PIP5K1B: variants seen among roughly 807,000 people sequenced by gnomAD.
The protein encoded by PIP5K1B is phosphatidylinositol-4-phosphate 5-kinase type 1 beta.
A neutral mutation model predicts 67.0 loss-of-function variants in PIP5K1B; 42 were observed. The observed-to-expected ratio is 0.63, with a 90% CI of 0.49 to 0.81. PIP5K1B has a LOEUF of 0.81. PIP5K1B is among the 30% of genes least tolerant of loss of function. The probability of loss-of-function intolerance (pLI) is 0.00; values close to 1 mark genes in which losing one functional copy is unlikely to be tolerated. For missense variants in PIP5K1B, 459 were observed against 646.3 expected, an observed-to-expected ratio of 0.71 and a Z score of 3.14; for synonymous variants, 214 against 231.4, an observed-to-expected ratio of 0.92 and a Z score of 0.68.
At chr9:68,753,810 C>T (rs1829769582) in intron 2 of PIP5K1B, among the ~76,000 whole-genome samples, 1 of 151,222 alleles carries the variant, frequency 6.6e-6, no homozygotes, top group Admixed American at 6.6e-5. Flanking sequence ...AGGCGTGAGC[C>T]ACCGCACACA....
intron 2 of PIP5K1B, among the ~76,000 whole-genome samples, chr9:68,798,849 T>C (rs937623756): frequency 3.9e-5 from 6 of 152,138 alleles, no homozygotes; most frequent in African/African-American, 1.4e-4. Flanking sequence ...GCAAGAGATA[T>C]TGGTGACTGG....
intron 5 of PIP5K1B, among the ~76,000 whole-genome samples, chr9:68,867,656 C>G (rs1426633397): frequency 6.6e-6 from 1 of 152,188 alleles, no homozygotes; most frequent in Non-Finnish European, 1.5e-5. Flanking sequence ...GGTGTATATA[C>G]ACATGTGTAA....
At chr9:68,821,218 T>C (rs1833715126) in intron 3 of PIP5K1B, among the ~76,000 whole-genome samples, 1 of 152,316 alleles carries the variant, frequency 6.6e-6, no homozygotes, top group East Asian at 1.9e-4. Context: ...ATGGCACCAC[T>C]GTACTCCAGC....
intron 12 of PIP5K1B, among the ~76,000 whole-genome samples, chr9:68,932,018 G>A (rs2132591101): frequency 6.6e-6 from 1 of 152,278 alleles, no homozygotes; most frequent in South Asian, 2.1e-4. Context: ...GGTGCTATGT[G>A]GTCTTGGCAG....
intron 2 of PIP5K1B, among the ~76,000 whole-genome samples, chr9:68,755,106 C>A (rs989043304): frequency 2.0e-5 from 3 of 152,188 alleles, no homozygotes; most frequent in African/African-American, 4.8e-5. Flanking sequence ...GAAAGTAGAT[C>A]AAACATTTAT....
chr9:68,816,570 G>C (rs2132047685), intron 2 of PIP5K1B, among the ~76,000 whole-genome samples: 1 of 152,332 alleles, frequency 6.6e-6, no homozygotes, highest in Non-Finnish European at 1.5e-5. Flanking sequence ...AAGCAATATG[G>C]CATTAGCTTA....
chr9:68,919,435 T>G (rs1425815117), intron 9 of PIP5K1B, 44 bp from the exon 10 acceptor site: 1 of 950,560 alleles, frequency 1.1e-6, no homozygotes, highest in East Asian at 2.5e-5. Context: ...CTTCCTATTC[T>G]TATAATATGT....
chr9:68,783,609 A>T (rs1027417323), intron 2 of PIP5K1B: 1 of 166,964 alleles, frequency 6.0e-6, no homozygotes, highest in African/African-American at 2.4e-5. Flanking sequence ...CCAACATGTC[A>T]TTGACACCTC....
intron 6 of PIP5K1B, among the ~76,000 whole-genome samples, chr9:68,883,603 C>G (rs545881697): frequency 6.6e-6 from 1 of 152,248 alleles, no homozygotes; most frequent in African/African-American, 2.4e-5. Flanking sequence ...CCTCCTCTCC[C>G]TTTTTCTTTC....
chr9:68,735,214 A>G (rs1046339927), intron 1 of PIP5K1B, among the ~76,000 whole-genome samples: 7 of 149,332 alleles, frequency 4.7e-5, no homozygotes, highest in Non-Finnish European at 8.9e-5. Context: ...AGTTTCCCCT[A>G]TCTTTATCTT....
At chr9:68,864,285 G>A (rs962684880) in intron 5 of PIP5K1B, among the ~76,000 whole-genome samples, 2 of 151,744 alleles carry the variant, frequency 1.3e-5, no homozygotes, top group African/African-American at 2.4e-5. Context: ...AGTAATGTCC[G>A]CCAAGGGTTT....
chr9:68,843,310 T>C (rs1049572392), intron 4 of PIP5K1B: 1 of 152,154 alleles, frequency 6.6e-6, no homozygotes, highest in South Asian at 2.1e-4. Context: ...AGGGAGGAAA[T>C]GACTAGGAGG....
chr9:68,767,388 G>A (rs1830479397), intron 2 of PIP5K1B, among the ~76,000 whole-genome samples: 1 of 152,106 alleles, frequency 6.6e-6, no homozygotes, highest in Non-Finnish European at 1.5e-5. Context: ...AAGGTCAGGA[G>A]TTCGAGACCA....
In PIP5K1B at chr9:68,934,942, G is replaced by A; in HGVS notation, c.1254G>A (p.Lys418=). The stretch of plus-strand genomic sequence containing the variant: ...GGTGCAATTCAATCGCCGCCCTAAA[G>A]GCCACTTCACAGGAGATTGTGTCCT... ...KKRCNSIAAL[K]ATSQEIVSSI... The change falls in exon 13 of 16, where the codon AAG becomes AAA. Residue 418 remains lysine, a synonymous_variant. Transcript: ENST00000265382. 3.7e-6 allele frequency: 6 copies of A among 1,613,376 alleles called. No homozygotes were observed. The highest frequency in any genetic ancestry group is 5.1e-6 in the Non-Finnish European group (6 of 1,179,576).
At chr9:68,765,917 C>G (rs1830405620) in intron 2 of PIP5K1B, among the ~76,000 whole-genome samples, 1 of 152,118 alleles carries the variant, frequency 6.6e-6, no homozygotes, top group Non-Finnish European at 1.5e-5. Context: ...AGCAGTTCCA[C>G]TGCTGGAAAT....
chr9:68,799,304 G>C (rs897740259), intron 2 of PIP5K1B, among the ~76,000 whole-genome samples: 2 of 152,118 alleles, frequency 1.3e-5, no homozygotes, highest in African/African-American at 4.8e-5. Flanking sequence ...TAATTTTAGG[G>C]TACACAACAG....
chr9:68,955,074 TA>T (rs1436785113), intron 14 of PIP5K1B, among the ~76,000 whole-genome samples: 2 of 152,186 alleles, frequency 1.3e-5, no homozygotes, highest in Non-Finnish European at 2.9e-5. Flanking sequence ...CAGACAGAGT[TA>T]GGAAAAATGA....
Position 68,857,959 on chromosome 9 carries a change from TTTG to T in PIP5K1B, c.70-5848_70-5846del, listed in dbSNP as rs71353086. ...CATATAAGAATTACTCTCTTGCTGT[TTTG>T]TTGTTGTTGTTGTTGTTGTTGTTGT... On this transcript the variant is annotated intron_variant, in intron 4 of 15. Transcript: ENST00000265382. Among the ~76,000 whole-genome samples the T allele has an allele frequency of 3.3e-3, 492 of 149,412 alleles. 4 individuals are homozygous for T. Among genetic ancestry groups the T allele is most frequent in the African/African-American group, 9.9e-3 (402 of 40,566 alleles).
chr9:68,917,684 T>G lies in PIP5K1B; in HGVS notation c.908T>G (p.Leu303Arg). 6.2e-7 allele frequency: 1 copy of G among 1,614,210 alleles called. No homozygotes were observed. Among genetic ancestry groups the G allele is most frequent in the Non-Finnish European group, 8.5e-7 (1 of 1,180,016 alleles). The change falls in exon 9 of 16, where the codon CTC becomes CGC. Residue 303 changes from leucine (L) to arginine (R), a missense_variant. Physicochemically the swap from Leu to Arg is moderately radical, Grantham distance 102 (BLOSUM62 -2). Around this residue, in one of 2 missense-constraint regions of PIP5K1B, gnomAD observed 290 missense variants for 474.4 expected, o/e 0.61. Coordinates refer to ENST00000265382, the MANE Select transcript of PIP5K1B (RefSeq NM_003558.4). The part of the protein sequence containing the change: ...DAKRTGMQKV[L>R]YSTAMESIQG... ...AAGCGGACTGGGATGCAGAAGGTTC[T>G]CTACTCAACAGCCATGGAATCTATC...
Sources: gnomAD v4.1 joint callset for allele counts (sites outside exome capture counted in the v4.1 genomes callset) on GRCh38, gnomAD v4.1.1 for gene constraint, gnomAD v4.1.1 regional missense constraint, MANE v1.5 for transcripts, NCBI Gene and HGNC (gene_info 2026-07-23, HGNC 2026-07-21) for gene names.